Variants in GABRB1 observed in about 807,000 individuals in gnomAD.
GABRB1 encodes gamma-aminobutyric acid type A receptor subunit beta1.
Under a neutral mutation model 51.6 loss-of-function variants are expected in GABRB1, and 17 were observed. The observed-to-expected ratio is 0.33, with a 90% CI of 0.23 to 0.49. GABRB1 has a LOEUF of 0.49. Among genes scored for constraint, GABRB1 ranks in the 20% least tolerant of loss-of-function variants. GABRB1 has a pLI of 0.99. For missense variants in GABRB1, 410 were observed against 600.6 expected, an observed-to-expected ratio of 0.68 and a Z score of 3.32; for synonymous variants, 247 against 218.9, an observed-to-expected ratio of 1.13 and a Z score of -1.14.
At chr4:47,072,505 T>C (rs992387239) in intron 3 of GABRB1, among the ~76,000 whole-genome samples, 1 of 152,216 alleles carries the variant, frequency 6.6e-6, no homozygotes, top group African/African-American at 2.4e-5. Context: ...GCAGAGTCTG[T>C]ATCATATAAG....
chr4:47,151,474 C>T (rs150892640), intron 3 of GABRB1, among the ~76,000 whole-genome samples: 66 of 152,080 alleles, frequency 4.3e-4, no homozygotes, highest in Non-Finnish European at 7.4e-4. Flanking sequence ...TTCATATATC[C>T]TTTCTCAATT....
chr4:47,177,965 C>G (rs570230231), intron 4 of GABRB1, among the ~76,000 whole-genome samples: 1 of 151,962 alleles, frequency 6.6e-6, no homozygotes, highest in South Asian at 2.1e-4. Flanking sequence ...GAGTGTGAGG[C>G]TGATTAAATG....
At chr4:47,076,052 T>C (rs1727535496) in intron 3 of GABRB1, among the ~76,000 whole-genome samples, 1 of 152,214 alleles carries the variant, frequency 6.6e-6, no homozygotes, top group African/African-American at 2.4e-5. Flanking sequence ...GCCATAAACT[T>C]GCCCTAATCT....
intron 4 of GABRB1, among the ~76,000 whole-genome samples, chr4:47,258,780 TAAA>T (rs1722314157): frequency 6.6e-6 from 1 of 152,166 alleles, no homozygotes; most frequent in African/African-American, 2.4e-5. Context: ...CAAAAGCTGT[TAAA>T]TTTATTTTCC....
At chr4:47,278,729 A>T (rs570063465) in intron 4 of GABRB1, among the ~76,000 whole-genome samples, 36 of 152,256 alleles carry the variant, frequency 2.4e-4, no homozygotes, top group African/African-American at 8.7e-4. Context: ...ATGTGATGCC[A>T]ATTCATGATA....
At chr4:47,347,092 G>T (rs570000383) in intron 5 of GABRB1, among the ~76,000 whole-genome samples, 7 of 152,022 alleles carry the variant, frequency 4.6e-5, no homozygotes, top group Non-Finnish European at 1.0e-4. Context: ...GACCAGCCTG[G>T]CCAACATGGC....
intron 1 of GABRB1, among the ~76,000 whole-genome samples, chr4:47,002,721 C>T (rs1197559482): frequency 6.6e-6 from 1 of 152,108 alleles, no homozygotes; most frequent in African/African-American, 2.4e-5. Context: ...TTTCACTTTC[C>T]AAACAAATCT....
At chr4:47,295,841 T>C (rs1382099067) in intron 4 of GABRB1, among the ~76,000 whole-genome samples, 1 of 152,036 alleles carries the variant, frequency 6.6e-6, no homozygotes, top group Non-Finnish European at 1.5e-5. Context: ...GGAAAAAATG[T>C]TAAGGGTAGC....
At chr4:47,080,599 T>G (rs541981569) in intron 3 of GABRB1, among the ~76,000 whole-genome samples, 3 of 152,318 alleles carry the variant, frequency 2.0e-5, no homozygotes, top group South Asian at 4.1e-4. Flanking sequence ...TATTTTGTTT[T>G]GGAGACAAGG....
chr4:47,329,938 C>T (rs1725414234), intron 5 of GABRB1, among the ~76,000 whole-genome samples: 1 of 152,142 alleles, frequency 6.6e-6, no homozygotes, highest in Non-Finnish European at 1.5e-5. Flanking sequence ...TCAAGATCTA[C>T]AGAGTGAGTC....
chr4:47,234,077 G>A (rs998510376), intron 4 of GABRB1, among the ~76,000 whole-genome samples: 2 of 152,136 alleles, frequency 1.3e-5, no homozygotes, highest in Non-Finnish European at 2.9e-5. Flanking sequence ...TTCCTTGAGG[G>A]TGATGAATTA....
intron 4 of GABRB1, among the ~76,000 whole-genome samples, chr4:47,250,873 C>T (rs894344816): frequency 1.3e-5 from 2 of 152,214 alleles, no homozygotes; most frequent in South Asian, 2.1e-4. Flanking sequence ...GTGTATTTCC[C>T]CTTGCATTGC....
intron 8 of GABRB1, among the ~76,000 whole-genome samples, chr4:47,410,915 C>T (rs542041160): frequency 6.6e-6 from 1 of 152,112 alleles, no homozygotes; most frequent in Non-Finnish European, 1.5e-5. Flanking sequence ...AATAGGCTCA[C>T]CCTAATGACA....
chr4:47,069,964 G>C (rs943669294), intron 3 of GABRB1, among the ~76,000 whole-genome samples: 1 of 151,542 alleles, frequency 6.6e-6, no homozygotes, highest in Non-Finnish European at 1.5e-5. Context: ...ACCCCTAATG[G>C]TCATTCTCAG....
At chr4:47,135,233 G>A (rs977743170) in intron 3 of GABRB1, among the ~76,000 whole-genome samples, 39 of 152,154 alleles carry the variant, frequency 2.6e-4, no homozygotes, top group Admixed American at 2.0e-4. Context: ...CCAGTTTTGG[G>A]GAGAAGGTGT....
At chr4:47,354,158 A>T (rs78006790) in intron 5 of GABRB1, among the ~76,000 whole-genome samples, 332 of 152,326 alleles carry the variant, frequency 2.2e-3, no homozygotes, top group African/African-American at 7.6e-3. Context: ...AGAAATACGT[A>T]GCACAGGGGG....
intron 4 of GABRB1, among the ~76,000 whole-genome samples, chr4:47,232,365 G>A (rs548752802): frequency 6.6e-6 from 1 of 152,112 alleles, no homozygotes; most frequent in Non-Finnish European, 1.5e-5. Context: ...TTTGGCTTTT[G>A]AGGTAGAACA....
rs556426748 is a variant in GABRB1, at chr4:47,046,328, C to T, written c.240+13844C>T. On this transcript the variant is annotated intron_variant, in intron 3 of 8. Transcript: ENST00000295454. Reference sequence around the variant, plus strand: ...AGATGAGATAAGAAGAGTTTTTACACCAAAGTTTGTAGATAATCAAACAAA... The same window carrying T: ...AGATGAGATAAGAAGAGTTTTTACATCAAAGTTTGTAGATAATCAAACAAA... Among the ~76,000 whole-genome samples, 5 of 152,096 alleles carry T rather than the reference C, an allele frequency of 3.3e-5. No individual in the cohort carries two copies. In the East Asian group the frequency reaches 9.7e-4, roughly 29 times the overall value.
intron 4 of GABRB1, among the ~76,000 whole-genome samples, chr4:47,298,344 A>C (rs1030709002): frequency 3.3e-5 from 5 of 152,166 alleles, no homozygotes; most frequent in Admixed American, 3.3e-4. Flanking sequence ...AAACCCCATC[A>C]TCTCAGCCCA....
Sources: allele counts gnomAD v4.1 joint callset (sites outside exome capture counted in the v4.1 genomes callset), GRCh38; gene constraint gnomAD v4.1.1; transcripts MANE v1.5; gene names NCBI Gene and HGNC (gene_info 2026-07-23, HGNC 2026-07-21).